FAT3: variants seen among roughly 807,000 people sequenced by gnomAD.
FAT3 encodes protocadherin Fat 3.
Under a neutral mutation model 310.2 loss-of-function variants are expected in FAT3, and 95 were observed. The observed-to-expected ratio is 0.31, with a 90% CI of 0.26 to 0.36. The LOEUF (loss-of-function observed/expected upper bound fraction) is 0.36. Among genes scored for constraint, FAT3 ranks in the 10% least tolerant of loss-of-function variants. The probability of loss-of-function intolerance (pLI) is 1.00; values close to 1 mark genes in which losing one functional copy is unlikely to be tolerated. For synonymous variants in FAT3, 2,314 were observed against 2,192.9 expected (o/e 1.06, Z -1.54); for missense variants, 5,408 against 5,715.6 (o/e 0.95, Z 1.74).
chr11:92,578,958 A>G (rs1792349), intron 3 of FAT3, among the ~76,000 whole-genome samples: 6,713 of 152,206 alleles, frequency 0.044, 479 homozygotes, highest in African/African-American at 0.15. Context: ...GAAAATAAAG[A>G]CAGTTGTTAT....
intron 11 of FAT3, 120 bp from the exon 12 acceptor site, chr11:92,806,242 A>G: frequency 1.1e-6 from 1 of 936,068 alleles, no homozygotes; most frequent in Non-Finnish European, 1.6e-6. Context: ...AGTGAAGGAA[A>G]AAAATAACAA....
chr11:92,839,801 C>T (rs1334152108), intron 17 of FAT3, among the ~76,000 whole-genome samples: 2 of 152,146 alleles, frequency 1.3e-5, no homozygotes, highest in East Asian at 1.9e-4. Context: ...TTTAATTTGC[C>T]GTTTTCAACG....
At chr11:92,805,930 C>T (rs1326554866) in intron 11 of FAT3, among the ~76,000 whole-genome samples, 1 of 152,140 alleles carries the variant, frequency 6.6e-6, no homozygotes. Context: ...AAAAGTATTG[C>T]AAATAGATTT....
At position 92,521,149 on chromosome 11, in the gene FAT3, G is replaced by T. The variant is rs115476401; in HGVS notation, c.3293-3485G>T. ...TATATGAAAGTGCTTTGGTGTGTGT[G>T]TGTGTGCGTGCACACACACATACGT... On this transcript the variant is annotated intron_variant, in intron 2 of 27. Coordinates refer to ENST00000525166, the MANE Select transcript of FAT3 (RefSeq NM_001367949.2). Among the ~76,000 whole-genome samples the T allele has an allele frequency of 3.2e-3, 488 of 152,226 alleles. 3 individuals are homozygous for T. Among genetic ancestry groups the T allele is most frequent in the African/African-American group, 0.011 (459 of 41,530 alleles).
intron 4 of FAT3, among the ~76,000 whole-genome samples, chr11:92,725,865 C>T (rs1160404269): frequency 2.6e-5 from 4 of 152,184 alleles, no homozygotes; most frequent in Admixed American, 2.6e-4. Context: ...GGGTGCCATA[C>T]TGGAGAGACT....
chr11:92,316,405 T>C (rs1209646374), intron 1 of FAT3, among the ~76,000 whole-genome samples: 1 of 152,192 alleles, frequency 6.6e-6, no homozygotes, highest in African/African-American at 2.4e-5. Flanking sequence ...ATTTAACAGT[T>C]GCTTTGATTA....
At chr11:92,816,431 G>T (rs1472767276) in intron 13 of FAT3, among the ~76,000 whole-genome samples, 1 of 152,198 alleles carries the variant, frequency 6.6e-6, no homozygotes, top group African/African-American at 2.4e-5. Context: ...CTCAGCCTGG[G>T]AGAGACCACA....
At chr11:92,693,283 G>T (rs1943846879) in intron 3 of FAT3, among the ~76,000 whole-genome samples, 2 of 152,116 alleles carry the variant, frequency 1.3e-5, no homozygotes, top group African/African-American at 4.8e-5. Flanking sequence ...TCAAAAGCTT[G>T]CCTATGATTT....
chr11:92,591,168 A>G (rs547108751), intron 3 of FAT3, among the ~76,000 whole-genome samples: 19 of 152,304 alleles, frequency 1.2e-4, no homozygotes, highest in African/African-American at 4.3e-4. Context: ...GGAACAAAGC[A>G]ATAAAACCCA....
At chr11:92,820,686 GC>G (rs544110175) in intron 13 of FAT3, among the ~76,000 whole-genome samples, 96 of 152,206 alleles carry the variant, frequency 6.3e-4, no homozygotes, top group Non-Finnish European at 1.2e-3. Context: ...CAGCTTGACT[GC>G]AACCTCAAGA....
At chr11:92,229,609 C>G (rs2134224264) in intron 1 of FAT3, among the ~76,000 whole-genome samples, 2 of 145,980 alleles carry the variant, frequency 1.4e-5, no homozygotes, top group Middle Eastern at 7.4e-3. Context: ...CTTAATGACA[C>G]AGACTGCATT....
chr11:92,342,581 T>A (rs2134589019), intron 1 of FAT3, among the ~76,000 whole-genome samples: 1 of 152,134 alleles, frequency 6.6e-6, no homozygotes, highest in African/African-American at 2.4e-5. Context: ...CTCCAAGCAC[T>A]TTTTTTTCTG....
At chr11:92,837,327 T>C (rs945755502) in intron 16 of FAT3, among the ~76,000 whole-genome samples, 3 of 152,204 alleles carry the variant, frequency 2.0e-5, no homozygotes, top group Non-Finnish European at 4.4e-5. Context: ...GCCCAGAGCC[T>C]GGGTACTAAC....
intron 6 of FAT3, among the ~76,000 whole-genome samples, chr11:92,772,596 G>A (rs1461268588): frequency 6.6e-6 from 1 of 151,898 alleles, no homozygotes. Flanking sequence ...ATATTAATTG[G>A]AAGATGAGTC....
In FAT3 at chr11:92,355,158, G is replaced by A; in HGVS notation, c.3046G>A (p.Gly1016Arg). ...CCTTACTGTGCGGGCCAAAGACAAA[G>A]GGCGGCCTGTCTCTCTGTCATCTGT... ...YNLTVRAKDK[G>R]RPVSLSSVSF... Residue 1016 changes from glycine (G) to arginine (R), a missense_variant, in exon 2 of 28, where the codon GGG becomes AGG. Around this residue, in one of 5 missense-constraint regions of FAT3, gnomAD observed 4,588 missense variants for 4,809.8 expected, o/e 0.95. Coordinates refer to ENST00000525166, the MANE Select transcript of FAT3 (RefSeq NM_001367949.2). 1.9e-6 allele frequency: 3 copies of A among 1,613,764 alleles called. No homozygotes were observed. Among genetic ancestry groups the A allele is most frequent in the Non-Finnish European group, 2.5e-6 (3 of 1,179,832 alleles).
At chr11:92,405,957 C>A (rs1156796493) in intron 2 of FAT3, among the ~76,000 whole-genome samples, 1 of 152,162 alleles carries the variant, frequency 6.6e-6, no homozygotes, top group Non-Finnish European at 1.5e-5. Context: ...AGCTTTCCCC[C>A]AACTTCCTAG....
At chr11:92,743,144 A>G (rs962894593) in intron 4 of FAT3, among the ~76,000 whole-genome samples, 15 of 152,066 alleles carry the variant, frequency 9.9e-5, no homozygotes, top group Non-Finnish European at 1.9e-4. Flanking sequence ...TTTTGCTTAG[A>G]CTCCCTTGGT....
intron 2 of FAT3, among the ~76,000 whole-genome samples, chr11:92,362,358 G>T (rs1948903077): frequency 6.6e-6 from 1 of 152,214 alleles, no homozygotes; most frequent in Admixed American, 6.5e-5. Flanking sequence ...CGTGTTCAGA[G>T]TTGGGCTAAC....
chr11:92,468,752 C>T (rs1385767991), intron 2 of FAT3, among the ~76,000 whole-genome samples: 1 of 152,122 alleles, frequency 6.6e-6, no homozygotes, highest in Non-Finnish European at 1.5e-5. Flanking sequence ...GGTGGGGAAA[C>T]TCCCTTATAT....
Sources: allele counts gnomAD v4.1 joint callset (sites outside exome capture counted in the v4.1 genomes callset), GRCh38; gene constraint gnomAD v4.1.1; regional missense constraint gnomAD v4.1.1; transcripts MANE v1.5; gene names NCBI Gene and HGNC (gene_info 2026-07-23, HGNC 2026-07-21).